The following PHYHIPL variants were observed in gnomAD, a reference collection of about 807,000 sequenced individuals.
The protein encoded by PHYHIPL is phytanoyl-CoA hydroxylase-interacting protein-like.
In PHYHIPL, 9 loss-of-function variants were observed where a neutral mutation model predicts 33.4. That is an observed-to-expected ratio of 0.27 (90% CI 0.16 to 0.47). The LOEUF (loss-of-function observed/expected upper bound fraction) is 0.47, where lower values mean the gene tolerates loss of function less well. PHYHIPL is among the 20% of genes least tolerant of loss of function. The pLI is 0.99. For missense variants in PHYHIPL, 365 were observed against 460.7 expected, an observed-to-expected ratio of 0.79 and a Z score of 1.90; for synonymous variants, 153 against 154.1, an observed-to-expected ratio of 0.99 and a Z score of 0.05.
At position 59,238,716 on chromosome 10, in the gene PHYHIPL, A is replaced by C. The variant is rs1194694063; in HGVS notation, c.596+11A>C. 1 of 1,487,404 alleles carries C rather than the reference A, an allele frequency of 6.7e-7. No individual in the cohort carries two copies. Among genetic ancestry groups the C allele is most frequent in the East Asian group, 2.3e-5 (1 of 44,132 alleles). 92.1% of individuals were successfully genotyped at this position (1,487,404 alleles called of 1,614,324 possible). ...TTTTGACTATGTTCGGTAAGATTCA[A>C]AAATATATAGTGATTTGTTTTACTA... On this transcript the variant is annotated intron_variant, in intron 4 of 4. Transcript: ENST00000373880.
chr10:59,181,281 C>T (rs1033198151), intron 1 of PHYHIPL, among the ~76,000 whole-genome samples: 29 of 152,214 alleles, frequency 1.9e-4, no homozygotes, highest in Non-Finnish European at 4.1e-4. Context: ...TTGCCAGTGT[C>T]TAGGTCCTTG....
intron 1 of PHYHIPL, among the ~76,000 whole-genome samples, chr10:59,229,850 G>C (rs1341631961): frequency 2.0e-5 from 3 of 150,066 alleles, no homozygotes; most frequent in Admixed American, 6.6e-5. Context: ...ATTGTTACAG[G>C]CGCATACTCT....
At chr10:59,190,044 T>C (rs891124776) in intron 1 of PHYHIPL, among the ~76,000 whole-genome samples, 10 of 152,140 alleles carry the variant, frequency 6.6e-5, no homozygotes, top group African/African-American at 2.4e-4. Flanking sequence ...GTTTGTTTTA[T>C]TATATAACAT....
chr10:59,244,058 ACCT>A (rs897677469), intron 4 of PHYHIPL, among the ~76,000 whole-genome samples: 6 of 152,082 alleles, frequency 3.9e-5, no homozygotes, highest in Non-Finnish European at 5.9e-5. Context: ...CCAAAGCTTT[ACCT>A]CCTCCTACTC....
intron 1 of PHYHIPL, among the ~76,000 whole-genome samples, chr10:59,179,842 TACACACACACACACACACAC>T (rs147836305): frequency 7.4e-6 from 1 of 134,794 alleles, no homozygotes; most frequent in Non-Finnish European, 1.6e-5. Context: ...GCAAGACAGT[TACACACACACACACACACAC>T]ACACACACAC....
intron 1 of PHYHIPL, among the ~76,000 whole-genome samples, chr10:59,214,077 C>A (rs1839540778): frequency 6.6e-6 from 1 of 151,888 alleles, no homozygotes; most frequent in African/African-American, 2.4e-5. Context: ...TACTGGATAG[C>A]CATCTAGAGA....
At chr10:59,243,028 A>G (rs1840461931) in intron 4 of PHYHIPL, among the ~76,000 whole-genome samples, 1 of 152,178 alleles carries the variant, frequency 6.6e-6, no homozygotes, top group African/African-American at 2.4e-5. Flanking sequence ...TTTGCCAAAC[A>G]ACATAAACAT....
chr10:59,173,925 T>G (rs964343887), upstream of PHYHIPL, among the ~76,000 whole-genome samples: 11 of 81,900 alleles, frequency 1.3e-4, no homozygotes, highest in South Asian at 4.6e-4. Context: ...TCTGAGGTTT[T>G]TTTTTTTTTT....
In PHYHIPL at chr10:59,176,713, A is replaced by T; in HGVS notation, c.-141A>T. 1 of 727,244 alleles carries T rather than the reference A, an allele frequency of 1.4e-6. No individual in the cohort carries two copies. Among genetic ancestry groups the T allele is most frequent in the Non-Finnish European group, 2.2e-6 (1 of 456,272 alleles). The allele number at this position is 727,244 out of a possible 1,614,324, so 45.0% of individuals were successfully genotyped here. On this transcript the variant is annotated 5_prime_UTR_variant, in exon 1 of 5. Transcript: ENST00000373880. Reference sequence around the variant, plus strand: ...CGGCGGCTCTCCAGCCCCGCGCCTCAGCCTCGGCGCCGCATCACCGCGTCC... The same window carrying T: ...CGGCGGCTCTCCAGCCCCGCGCCTCTGCCTCGGCGCCGCATCACCGCGTCC...
intron 4 of PHYHIPL, among the ~76,000 whole-genome samples, chr10:59,242,324 A>G (rs1201942701): frequency 6.6e-6 from 1 of 151,964 alleles, no homozygotes; most frequent in Non-Finnish European, 1.5e-5. Context: ...TGACCCTCCT[A>G]CCCTGTGTCA....
chr10:59,182,185 CATAAT>C (rs1461603496), intron 1 of PHYHIPL, among the ~76,000 whole-genome samples: 8 of 152,130 alleles, frequency 5.3e-5, no homozygotes, highest in Non-Finnish European at 1.0e-4. Context: ...TTAGTAAATG[CATAAT>C]ATAAGTTTTG....
At chr10:59,181,174 ATAT>A (rs1260259273) in intron 1 of PHYHIPL, among the ~76,000 whole-genome samples, 1 of 152,202 alleles carries the variant, frequency 6.6e-6, no homozygotes, top group African/African-American at 2.4e-5. Context: ...ACCAGTGTTG[ATAT>A]TAATACAAAA....
rs757354324 is a variant in PHYHIPL, at chr10:59,245,047, T to C, written c.597-10T>C. The C allele has an allele frequency of 1.5e-5, 24 of 1,592,196 alleles. No individual in the cohort carries two copies. The South Asian group carries it at 2.8e-4, about 18-fold the overall frequency. The stretch of plus-strand genomic sequence containing the variant: ...TGTATTAAGCAGTGACCACTTGTTT[T>C]CTCTTGCAGAGAACATCATGGGAAT... On this transcript the variant is annotated splice_polypyrimidine_tract_variant and intron_variant, in intron 4 of 4. Coordinates refer to ENST00000373880, the MANE Select transcript of PHYHIPL (RefSeq NM_032439.4).
At chr10:59,224,497 A>AAAAAC (rs1554798745) in intron 1 of PHYHIPL, among the ~76,000 whole-genome samples, 1 of 70,410 alleles carries the variant, frequency 1.4e-5, no homozygotes, top group Non-Finnish European at 3.8e-5. Flanking sequence ...AAACAAAACA[A>AAAAAC]AAAACAAAAC....
At chr10:59,187,586 A>C (rs886329308) in intron 1 of PHYHIPL, among the ~76,000 whole-genome samples, 1 of 152,162 alleles carries the variant, frequency 6.6e-6, no homozygotes, top group African/African-American at 2.4e-5. Flanking sequence ...CTGCGAATCC[A>C]TCTGGTCCTG....
intron 1 of PHYHIPL, among the ~76,000 whole-genome samples, chr10:59,207,031 A>G (rs1179719947): frequency 6.6e-6 from 1 of 152,242 alleles, no homozygotes; most frequent in Non-Finnish European, 1.5e-5. Flanking sequence ...GAGATCTTTC[A>G]GTTAAAGCAG....
At chr10:59,212,177 C>A (rs1003220856) in intron 1 of PHYHIPL, among the ~76,000 whole-genome samples, 1 of 152,154 alleles carries the variant, frequency 6.6e-6, no homozygotes, top group African/African-American at 2.4e-5. Flanking sequence ...TCCCTACCAG[C>A]AACAAGGTCC....
intron 1 of PHYHIPL, among the ~76,000 whole-genome samples, chr10:59,233,786 A>G (rs1247958455): frequency 6.6e-6 from 1 of 151,846 alleles, no homozygotes; most frequent in Non-Finnish European, 1.5e-5. Context: ...ACATTTCTAG[A>G]GTTATCCTTA....
intron 1 of PHYHIPL, chr10:59,177,739 T>C: frequency 8.2e-7 from 1 of 1,214,158 alleles, no homozygotes; most frequent in Non-Finnish European, 1.2e-6. Flanking sequence ...TAGTGCTGTG[T>C]GCGGTGTGGT....
Sources: allele counts gnomAD v4.1 joint callset (sites outside exome capture counted in the v4.1 genomes callset), GRCh38; gene constraint gnomAD v4.1.1; transcripts MANE v1.5; gene names NCBI Gene and HGNC (gene_info 2026-07-23, HGNC 2026-07-21).